The following SGCZ variants were observed in gnomAD, a reference collection of about 807,000 sequenced individuals.
SGCZ encodes the protein zeta-sarcoglycan.
In SGCZ, 40 loss-of-function variants were observed where a neutral mutation model predicts 41.3. That is an observed-to-expected ratio of 0.97 (90% confidence interval 0.75 to 1.26). SGCZ has a LOEUF of 1.26. Ranked by LOEUF, SGCZ falls within the 50% of genes most tolerant of loss-of-function variation. SGCZ has a pLI of 0.00. For synonymous variants in SGCZ, 206 were observed against 137.5 expected, an observed-to-expected ratio of 1.50 and a Z score of -3.49; for missense variants, 552 against 369.8, an observed-to-expected ratio of 1.49 and a Z score of -4.04.
intron 1 of SGCZ, among the ~76,000 whole-genome samples, chr8:14,635,811 C>T (rs748504089): frequency 5.3e-5 from 8 of 151,788 alleles, no homozygotes; most frequent in Non-Finnish European, 8.8e-5. Flanking sequence ...GACTGCTATA[C>T]TGTAATTGAT....
At chr8:15,150,486 C>G (rs937123697) in intron 1 of SGCZ, among the ~76,000 whole-genome samples, 1 of 152,136 alleles carries the variant, frequency 6.6e-6, no homozygotes, top group Non-Finnish European at 1.5e-5. Context: ...CCTCTGGAAC[C>G]CTCCCAAACC....
chr8:14,948,171 A>G (rs1461248122), intron 1 of SGCZ, among the ~76,000 whole-genome samples: 1 of 152,216 alleles, frequency 6.6e-6, no homozygotes, highest in Non-Finnish European at 1.5e-5. Context: ...CCTAGAACTC[A>G]TCAAGATTTA....
chr8:14,893,741 C>T (rs1354527291), intron 1 of SGCZ, among the ~76,000 whole-genome samples: 2 of 152,102 alleles, frequency 1.3e-5, no homozygotes, highest in Non-Finnish European at 2.9e-5. Context: ...ACTTGCCTAC[C>T]AAAGTCACAG....
chr8:14,551,312 G>C (rs1803801668), intron 2 of SGCZ, among the ~76,000 whole-genome samples: 1 of 142,194 alleles, frequency 7.0e-6, no homozygotes, highest in African/African-American at 2.6e-5. Context: ...GGATTTGAGA[G>C]ACCTGCTAGA....
intron 3 of SGCZ, chr8:14,309,086 T>C (rs1801439350): frequency 1.4e-6 from 2 of 1,432,884 alleles, no homozygotes; most frequent in Middle Eastern, 2.6e-4. Flanking sequence ...GAAAACGGAA[T>C]CTCATCAGGA....
chr8:14,146,967 C>CT (rs1803546597), intron 5 of SGCZ, among the ~76,000 whole-genome samples: 1 of 150,150 alleles, frequency 6.7e-6, no homozygotes, highest in Non-Finnish European at 1.5e-5. Context: ...AAAAAAAAAC[C>CT]CAAAAATTTA....
At chr8:14,698,281 T>C (rs1463299969) in intron 1 of SGCZ, among the ~76,000 whole-genome samples, 3 of 151,964 alleles carry the variant, frequency 2.0e-5, no homozygotes, top group African/African-American at 4.8e-5. Flanking sequence ...TAATTCTTAA[T>C]ATACTGATCC....
intron 5 of SGCZ, among the ~76,000 whole-genome samples, chr8:14,152,418 A>C (rs886907473): frequency 2.3e-4 from 35 of 152,182 alleles, no homozygotes; most frequent in African/African-American, 8.4e-4. Context: ...GGTCCCAACT[A>C]TATGGGTGGA....
chr8:14,744,761 A>T (rs1799294701), intron 1 of SGCZ, among the ~76,000 whole-genome samples: 1 of 152,138 alleles, frequency 6.6e-6, no homozygotes, highest in South Asian at 2.1e-4. Flanking sequence ...CTGAAGAAAT[A>T]CCTTTCAGTC....
intron 2 of SGCZ, among the ~76,000 whole-genome samples, chr8:14,372,512 A>G (rs1803951607): frequency 6.6e-6 from 1 of 152,278 alleles, no homozygotes; most frequent in East Asian, 1.9e-4. Context: ...ATTATATAGT[A>G]TATGGGCTGG....
At chr8:14,564,539 G>A (rs1804300990) in intron 1 of SGCZ, among the ~76,000 whole-genome samples, 7 of 152,136 alleles carry the variant, frequency 4.6e-5, no homozygotes, top group Non-Finnish European at 1.0e-4. Context: ...CAATCTGGGA[G>A]TAGAAAAGGA....
At chr8:15,055,068 A>G (rs1293212332) in intron 1 of SGCZ, among the ~76,000 whole-genome samples, 1 of 152,102 alleles carries the variant, frequency 6.6e-6, no homozygotes, top group Non-Finnish European at 1.5e-5. Flanking sequence ...CTTTACCTAA[A>G]GAATAAGTGC....
At chr8:15,113,809 G>C (rs1807160813) in intron 1 of SGCZ, among the ~76,000 whole-genome samples, 1 of 152,142 alleles carries the variant, frequency 6.6e-6, no homozygotes, top group Non-Finnish European at 1.5e-5. Flanking sequence ...GATTTTCTCA[G>C]TAAAAGCAAA....
rs544833466 is a variant in SGCZ, at chr8:14,678,727, C to A, written c.40-123801G>T. Among the ~76,000 whole-genome samples the A allele has an allele frequency of 3.9e-5, 6 of 152,270 alleles. No homozygotes were observed. The South Asian group carries it at 1.2e-3, about 32-fold the overall frequency. Reference sequence around the variant, plus strand: ...TTGAAAACCTATGTTCATAGAAAAACCTGCACTTGAAAGTTGATATTTATT... The same window carrying A: ...TTGAAAACCTATGTTCATAGAAAAAACTGCACTTGAAAGTTGATATTTATT... On this transcript the variant is annotated intron_variant, in intron 1 of 7. Transcript: ENST00000382080.
intron 5 of SGCZ, among the ~76,000 whole-genome samples, chr8:14,111,137 T>C (rs567315790): frequency 2.6e-5 from 4 of 152,260 alleles, no homozygotes; most frequent in African/African-American, 9.6e-5. Context: ...TGTAGATTAC[T>C]AGTAGGGTTG....
chr8:14,183,575 C>G (rs1157918590), intron 4 of SGCZ, among the ~76,000 whole-genome samples: 2 of 152,072 alleles, frequency 1.3e-5, no homozygotes, highest in Non-Finnish European at 2.9e-5. Context: ...TTTTAACTAC[C>G]TTGAGAGTTT....
chr8:15,215,221 T>A (rs1189714513), intron 1 of SGCZ, among the ~76,000 whole-genome samples: 1 of 152,238 alleles, frequency 6.6e-6, no homozygotes, highest in Non-Finnish European at 1.5e-5. Context: ...AGATAATTAT[T>A]GCTCTTCAAG....
intron 2 of SGCZ, among the ~76,000 whole-genome samples, chr8:14,429,422 A>G (rs1799880676): frequency 6.6e-6 from 1 of 152,114 alleles, no homozygotes; most frequent in Non-Finnish European, 1.5e-5. Flanking sequence ...AAGATATATT[A>G]CTGAAATAGG....
chr8:14,673,384 A>T (rs547111748), intron 1 of SGCZ, among the ~76,000 whole-genome samples: 6 of 152,124 alleles, frequency 3.9e-5, no homozygotes, highest in Admixed American at 2.6e-4. Context: ...TGGTGGTTTT[A>T]TAAGTGGCAG....
Sources: allele counts gnomAD v4.1 joint callset (sites outside exome capture counted in the v4.1 genomes callset), GRCh38; gene constraint gnomAD v4.1.1; transcripts MANE v1.5; gene names NCBI Gene and HGNC (gene_info 2026-07-23, HGNC 2026-07-21).